LPP: variants seen among roughly 807,000 people sequenced by gnomAD.
LPP encodes the protein lipoma-preferred partner.
In LPP, 38 loss-of-function variants were observed where a neutral mutation model predicts 60.4. That is an observed-to-expected ratio of 0.63 (90% CI 0.49 to 0.83). The LOEUF is 0.83. LPP is among the 40% of genes least tolerant of loss of function. LPP has a pLI of 0.00. For synonymous variants in LPP, 328 were observed against 290.8 expected, an observed-to-expected ratio of 1.13 and a Z score of -1.30; for missense variants, 902 against 783.6, an observed-to-expected ratio of 1.15 and a Z score of -1.80.
intron 1 of LPP, among the ~76,000 whole-genome samples, chr3:188,201,315 G>C (rs1731017956): frequency 6.6e-6 from 1 of 152,194 alleles, no homozygotes; most frequent in Non-Finnish European, 1.5e-5. Context: ...AGGGAAGAGA[G>C]ATTATTCTGA....
At position 188,352,547 on chromosome 3, in the gene LPP, A is replaced by G. The variant is rs943763279; in HGVS notation, c.-10+10828A>G. On this transcript the variant is annotated intron_variant, in intron 3 of 11. Transcript: ENST00000617246. This position sits in a 1 kb window ranked among gnomAD's most constrained non-coding sequence, Gnocchi z 4.4. ...CAGGCACAGACATTGAATGTTTAGG[A>G]GCAAGAAGGGCTTGTGAATATCCCG... Among the ~76,000 whole-genome samples the G allele has an allele frequency of 6.6e-6, 1 of 152,142 alleles. No individual in the cohort carries two copies. Among genetic ancestry groups the G allele is most frequent in the African/African-American group, 2.4e-5 (1 of 41,428 alleles).
At chr3:188,235,008 A>G (rs1721379295) in intron 2 of LPP, among the ~76,000 whole-genome samples, 1 of 152,204 alleles carries the variant, frequency 6.6e-6, no homozygotes. Flanking sequence ...CAGCTCAGCA[A>G]CCAGGTGATT....
rs1422971817 is a variant in LPP at position 188,154,267 on chromosome 3, C to T, written c.-190+15C>T. On this transcript the variant is annotated intron_variant, in intron 1 of 11. Coordinates refer to ENST00000617246, the MANE Select transcript of LPP (RefSeq NM_001375462.1). ...TCCTCCCTGAGGTATTGTTGCAAAT[C>T]CTTCCTTCCCCTCACCCTCCACCCG... Among the ~76,000 whole-genome samples the T allele has an allele frequency of 1.3e-5, 2 of 152,020 alleles. No individual in the cohort carries two copies. Among genetic ancestry groups the T allele is most frequent in the Non-Finnish European group, 2.9e-5 (2 of 67,962 alleles).
At chr3:188,506,112 G>T (rs755333087) in intron 5 of LPP, among the ~76,000 whole-genome samples, 1 of 151,910 alleles carries the variant, frequency 6.6e-6, no homozygotes, top group East Asian at 1.9e-4. Context: ...TTACTCATAC[G>T]TGTCTGACAA....
chr3:188,602,924 A>G (rs1380781967), intron 6 of LPP, among the ~76,000 whole-genome samples: 5 of 151,654 alleles, frequency 3.3e-5, no homozygotes, highest in African/African-American at 1.2e-4. Flanking sequence ...TGATACTTAC[A>G]TTTGCCAGTA....
intron 2 of LPP, among the ~76,000 whole-genome samples, chr3:188,269,645 A>ATATGTGTGTGTGTGTGTGTGTGTG (rs748506984): frequency 7.3e-6 from 1 of 136,454 alleles, no homozygotes; most frequent in Admixed American, 7.3e-5. Flanking sequence ...CTTTTTTTTT[A>ATATGTGTGTGTGTGTGTGTGTGTG]TGTGTGTGTG....
chr3:188,378,778 C>G (rs559004671), intron 3 of LPP, among the ~76,000 whole-genome samples: 1 of 152,340 alleles, frequency 6.6e-6, no homozygotes, highest in Non-Finnish European at 1.5e-5. Context: ...GTTGGAAATG[C>G]AGAAATCACC....
chr3:188,745,088 C>G (rs946547098), intron 8 of LPP, among the ~76,000 whole-genome samples: 1 of 152,074 alleles, frequency 6.6e-6, no homozygotes, highest in Non-Finnish European at 1.5e-5. Flanking sequence ...ATCCCTCCCC[C>G]AATTTGAGCT....
At chr3:188,695,960 C>A (rs1181213473) in intron 7 of LPP, among the ~76,000 whole-genome samples, 3 of 152,168 alleles carry the variant, frequency 2.0e-5, no homozygotes, top group Non-Finnish European at 2.9e-5. Flanking sequence ...TTGGTTCTGC[C>A]ACTTAATATG....
In LPP at chr3:188,411,740, A is replaced by G. The variant is rs553582124; in HGVS notation, c.193+5427A>G. On this transcript the variant is annotated intron_variant, in intron 4 of 11. Coordinates refer to ENST00000617246, the MANE Select transcript of LPP (RefSeq NM_001375462.1). ...CCCCACCCCCAAAAATAAAACAACA[A>G]CAGCAATTAAACTCAGTCTTAGACT... 9.2e-5 allele frequency among the ~76,000 whole-genome samples: 14 copies of G among 152,304 alleles called. No individual in the cohort carries two copies. The East Asian group carries it at 1.5e-3, about 17-fold the overall frequency.
At chr3:188,847,770 A>G (rs1344088796) in intron 9 of LPP, among the ~76,000 whole-genome samples, 1 of 152,234 alleles carries the variant, frequency 6.6e-6, no homozygotes, top group Non-Finnish European at 1.5e-5. Flanking sequence ...ACTGTAAATG[A>G]TATTTTACAA....
At chr3:188,617,597 A>T (rs1356891737) in intron 7 of LPP, among the ~76,000 whole-genome samples, 1 of 152,166 alleles carries the variant, frequency 6.6e-6, no homozygotes, top group Non-Finnish European at 1.5e-5. Context: ...TCAGTCCATA[A>T]TCTCTCTATC....
chr3:188,780,713 C>G (rs576092329), intron 9 of LPP, among the ~76,000 whole-genome samples: 51 of 152,304 alleles, frequency 3.3e-4, no homozygotes, highest in African/African-American at 1.1e-3. Flanking sequence ...ACACATCCCC[C>G]CTCAGGATCC....
chr3:188,547,362 T>C (rs1031649774), intron 6 of LPP, among the ~76,000 whole-genome samples: 1 of 152,108 alleles, frequency 6.6e-6, no homozygotes. Flanking sequence ...GTGCAAAACC[T>C]CAATTAACTA....
chr3:188,522,078 T>C (rs1819016771), intron 5 of LPP, among the ~76,000 whole-genome samples: 1 of 152,200 alleles, frequency 6.6e-6, no homozygotes, highest in Admixed American at 6.5e-5. Flanking sequence ...CCCTTTGATA[T>C]AAACATGAAA....
intron 9 of LPP, among the ~76,000 whole-genome samples, chr3:188,768,558 A>G (rs957793918): frequency 6.6e-6 from 1 of 152,212 alleles, no homozygotes; most frequent in Non-Finnish European, 1.5e-5. Context: ...AAGGGCATTT[A>G]ATAAAATTTT....
At chr3:188,796,707 A>G (rs185178805) in intron 9 of LPP, among the ~76,000 whole-genome samples, 2 of 152,316 alleles carry the variant, frequency 1.3e-5, no homozygotes, top group African/African-American at 4.8e-5. Context: ...ATTTTCTACT[A>G]CATGATTTAG....
intron 4 of LPP, among the ~76,000 whole-genome samples, chr3:188,457,737 A>AT (rs200234329): frequency 0.37 from 27,931 of 75,512 alleles, 2,680 homozygotes; most frequent in East Asian, 0.47. Context: ...CTAAAAAAAA[A>AT]AAATATATAT....
chr3:188,552,905 G>C (rs1437835166), intron 6 of LPP, among the ~76,000 whole-genome samples: 1 of 152,132 alleles, frequency 6.6e-6, no homozygotes, highest in Non-Finnish European at 1.5e-5. Flanking sequence ...GGGGTGGGGA[G>C]GGCTGTTCTT....
Sources: gnomAD v4.1 joint callset for allele counts (sites outside exome capture counted in the v4.1 genomes callset) on GRCh38, gnomAD v4.1.1 for gene constraint, Gnocchi (gnomAD v3.1) non-coding constraint, MANE v1.5 for transcripts, NCBI Gene and HGNC (gene_info 2026-07-23, HGNC 2026-07-21) for gene names.